The following DNAAF9 variants were observed in gnomAD, a reference collection of about 807,000 sequenced individuals.
DNAAF9 encodes shulin.
DNAAF9 carries 90 observed loss-of-function variants against 167.0 expected under a neutral mutation model. The ratio of observed to expected loss-of-function variants is 0.54; its 90% confidence interval spans 0.45 to 0.64. DNAAF9 has a LOEUF of 0.64. Among genes scored for constraint, DNAAF9 ranks in the 30% least tolerant of loss-of-function variants. DNAAF9 has a pLI of 0.00. For missense variants in DNAAF9, 1,315 were observed against 1,442.2 expected, an observed-to-expected ratio of 0.91 and a Z score of 1.43; for synonymous variants, 491 against 508.8, an observed-to-expected ratio of 0.96 and a Z score of 0.47.
Position 3,374,069 on chromosome 20 carries a change from T to C in DNAAF9, c.591A>G (p.Gly197=), listed in dbSNP as rs2083544626. 1 of 1,611,688 alleles carries C rather than the reference T, an allele frequency of 6.2e-7. No homozygotes were observed. Among genetic ancestry groups the C allele is most frequent in the Middle Eastern group, 1.7e-4 (1 of 6,056 alleles). The stretch of plus-strand genomic sequence containing the variant: ...ATACCTCATATTTCATGGTAAAAAA[T>C]CCATCCCCTCCAATGCCCTCAAGTG... The part of the protein sequence containing the change: ...AFALEGIGGD[G]FFTMKYELQD... The change falls in exon 6 of 37, where the codon GGA becomes GGG. Residue 197 remains glycine (G), a synonymous_variant. Transcript: ENST00000252032.
intron 10 of DNAAF9, among the ~76,000 whole-genome samples, chr20:3,338,646 T>A (rs1255272363): frequency 7.4e-6 from 1 of 134,664 alleles, no homozygotes; most frequent in Non-Finnish European, 1.6e-5. Flanking sequence ...GGTTCTTGGA[T>A]GATTTTTTTT....
chr20:3,307,967 T>TAAAA (rs367851853), intron 20 of DNAAF9, among the ~76,000 whole-genome samples: 22 of 123,418 alleles, frequency 1.8e-4, no homozygotes, highest in South Asian at 5.4e-4. Context: ...ACACAAGGTT[T>TAAAA]AAAAAAAAAA....
At chr20:3,357,505 T>G (rs1420820391) in intron 7 of DNAAF9, among the ~76,000 whole-genome samples, 2 of 151,942 alleles carry the variant, frequency 1.3e-5, no homozygotes, top group Non-Finnish European at 2.9e-5. Context: ...TATTACCGAG[T>G]GCTAGTGTTT....
intron 10 of DNAAF9, among the ~76,000 whole-genome samples, chr20:3,333,991 C>A (rs1327914382): frequency 6.6e-6 from 1 of 152,140 alleles, no homozygotes; most frequent in Non-Finnish European, 1.5e-5. Context: ...TTAAGTCAGG[C>A]TGAATCAATT....
chr20:3,394,988 G>A (rs7274617), intron 1 of DNAAF9, among the ~76,000 whole-genome samples: 2 of 58,498 alleles, frequency 3.4e-5, no homozygotes, highest in South Asian at 5.2e-4. Context: ...TTTTTTTTGA[G>A]ACGGAGTTTC....
At chr20:3,277,226 C>A (rs1312327914) in intron 29 of DNAAF9, among the ~76,000 whole-genome samples, 1 of 152,196 alleles carries the variant, frequency 6.6e-6, no homozygotes, top group African/African-American at 2.4e-5. Flanking sequence ...TCATCAGGGT[C>A]CTTCTCACTT....
Position 3,315,991 on chromosome 20 carries a change from C to A in DNAAF9, c.1540-206G>T, listed in dbSNP as rs2422867. 0.27 allele frequency: 163,098 copies of A among 597,818 alleles called. 23,034 individuals carry two copies. The highest frequency in any genetic ancestry group is 0.35 in the East Asian group (12,747 of 35,978). The allele number at this position is 597,818 out of a possible 1,614,324, so 37.0% of individuals were successfully genotyped here. On this transcript the variant is annotated intron_variant, in intron 18 of 36. Coordinates refer to ENST00000252032, the MANE Select transcript of DNAAF9 (RefSeq NM_001009984.3). The surrounding 1 kb of genome is among the most constrained non-coding windows in gnomAD (Gnocchi z 4.1). Reference sequence around the variant, plus strand: ...CCCAAGGCCTTGGTGGGCTCTCTCACTAGGACCTGAGGTCCAGCTAATGAG... The same window carrying A: ...CCCAAGGCCTTGGTGGGCTCTCTCAATAGGACCTGAGGTCCAGCTAATGAG...
intron 1 of DNAAF9, among the ~76,000 whole-genome samples, chr20:3,407,102 T>C (rs1248327116): frequency 2.6e-5 from 4 of 152,124 alleles, no homozygotes; most frequent in East Asian, 1.9e-4. Context: ...GAGTTATTCA[T>C]AGGGAAGCCT....
intron 25 of DNAAF9, among the ~76,000 whole-genome samples, 189 bp downstream of exon 25, chr20:3,293,950 A>T (rs2069015772): frequency 6.6e-6 from 1 of 151,928 alleles, no homozygotes; most frequent in Admixed American, 6.6e-5. Context: ...GTTAATGTAG[A>T]CACCTGACAC....
chr20:3,264,789 C>G (rs1431037651), intron 30 of DNAAF9, among the ~76,000 whole-genome samples: 2 of 152,196 alleles, frequency 1.3e-5, no homozygotes, highest in African/African-American at 4.8e-5. Context: ...AGGATCGTCT[C>G]AATCTCCTGA....
rs756444381 is a variant in DNAAF9, at chr20:3,363,531, C to CTT, written c.613-3940_613-3939dup. Among the ~76,000 whole-genome samples the CTT allele has an allele frequency of 1.0e-4, 12 of 120,566 alleles. No homozygotes were observed. In the East Asian group the frequency reaches 1.9e-3, roughly 19 times the overall value. 79.1% of individuals were successfully genotyped at this position (120,566 alleles called of 152,430 possible). ...AAAAAAGATTAATGCAAAGCAAACT[C>CTT]TTTTTTTTTTTTTTTTTAGTTTTAA... is the stretch of plus-strand genomic sequence containing the variant. On this transcript the variant is annotated intron_variant, in intron 6 of 36. Transcript: ENST00000252032.
chr20:3,295,151 G>A (rs2069045346), intron 23 of DNAAF9, among the ~76,000 whole-genome samples: 3 of 151,340 alleles, frequency 2.0e-5, no homozygotes, highest in Admixed American at 6.6e-5. Flanking sequence ...TTACAGGCAT[G>A]AGCCACCGCA....
chr20:3,400,810 G>A (rs1024582538), intron 1 of DNAAF9, among the ~76,000 whole-genome samples: 1 of 152,126 alleles, frequency 6.6e-6, no homozygotes. Context: ...CACTAAATAA[G>A]AGTCCTCAGT....
intron 1 of DNAAF9, among the ~76,000 whole-genome samples, chr20:3,391,155 T>C (rs1023733445): frequency 2.0e-5 from 3 of 152,254 alleles, no homozygotes; most frequent in Admixed American, 6.5e-5. Context: ...AACACTGTCC[T>C]AATTAGTGTT....
chr20:3,361,475 T>C (rs1485864404), intron 6 of DNAAF9, among the ~76,000 whole-genome samples: 2 of 152,090 alleles, frequency 1.3e-5, no homozygotes, highest in Non-Finnish European at 1.5e-5. Context: ...CGGCTGTTGT[T>C]GCAGGGAAAG....
chr20:3,377,117 T>G (rs111311078), intron 3 of DNAAF9, among the ~76,000 whole-genome samples: 5,344 of 152,254 alleles, frequency 0.035, 120 homozygotes, highest in African/African-American at 0.061. Context: ...ACAGAATGTC[T>G]GGGCTAAGAT....
At chr20:3,289,011 A>T (rs1457990972) in intron 26 of DNAAF9, among the ~76,000 whole-genome samples, 3 of 152,242 alleles carry the variant, frequency 2.0e-5, no homozygotes, top group Admixed American at 6.5e-5. Context: ...CTGCTCAAAT[A>T]TCACCTCCTT....
At chr20:3,368,177 A>G (rs1018815507) in intron 6 of DNAAF9, among the ~76,000 whole-genome samples, 4 of 152,056 alleles carry the variant, frequency 2.6e-5, no homozygotes, top group Non-Finnish European at 4.4e-5. Flanking sequence ...TTTCCTCTTT[A>G]GTACTCTAAC....
chr20:3,295,139 GATTAC>G (rs2122939186), intron 23 of DNAAF9, among the ~76,000 whole-genome samples: 1 of 151,498 alleles, frequency 6.6e-6, no homozygotes, highest in East Asian at 2.0e-4. Context: ...AAAGTGCTGG[GATTAC>G]AGGCATGAGC....
Sources: gnomAD v4.1 joint callset for allele counts (sites outside exome capture counted in the v4.1 genomes callset) on GRCh38, gnomAD v4.1.1 for gene constraint, Gnocchi (gnomAD v3.1) non-coding constraint, MANE v1.5 for transcripts, NCBI Gene and HGNC (gene_info 2026-07-23, HGNC 2026-07-21) for gene names.